Variants in SEZ6L observed in about 807,000 individuals in gnomAD.
The protein encoded by SEZ6L is seizure related 6 homolog like, also known as seizure 6-like protein.
A neutral mutation model predicts 106.2 loss-of-function variants in SEZ6L; 37 were observed. The observed-to-expected ratio is 0.35, with a 90% CI of 0.27 to 0.46. SEZ6L has a LOEUF of 0.46. Among genes scored for constraint, SEZ6L ranks in the 20% least tolerant of loss-of-function variants. SEZ6L has a pLI of 1.00. For synonymous variants in SEZ6L, 541 were observed against 570.4 expected (o/e 0.95, Z 0.73); for missense variants, 1,172 against 1,332.8 (o/e 0.88, Z 1.88).
intron 1 of SEZ6L, among the ~76,000 whole-genome samples, chr22:26,282,000 G>A (rs1416036574): frequency 6.6e-6 from 1 of 152,194 alleles, no homozygotes; most frequent in African/African-American, 2.4e-5. Flanking sequence ...CCTTATTGAT[G>A]TATTCTTGAT....
At chr22:26,361,617 T>C (rs1253712146) in intron 12 of SEZ6L, among the ~76,000 whole-genome samples, 1 of 152,014 alleles carries the variant, frequency 6.6e-6, no homozygotes, top group Non-Finnish European at 1.5e-5. Context: ...CAGTGTATAT[T>C]GGGTGCTCAC....
intron 16 of SEZ6L, among the ~76,000 whole-genome samples, chr22:26,378,916 T>G (rs1247216237): frequency 6.6e-6 from 1 of 152,226 alleles, no homozygotes; most frequent in Non-Finnish European, 1.5e-5. Flanking sequence ...ACAATATTAC[T>G]GCAAACTTAG....
chr22:26,297,153 C>T, intron 4 of SEZ6L, 73 bp downstream of exon 4: 1 of 1,320,834 alleles, frequency 7.6e-7, no homozygotes, highest in Non-Finnish European at 1.0e-6. Flanking sequence ...GATTTTAAAA[C>T]TTTTTGTGCC....
intron 12 of SEZ6L, among the ~76,000 whole-genome samples, chr22:26,360,554 TG>T (rs1218102499): frequency 6.6e-6 from 1 of 152,192 alleles, no homozygotes; most frequent in Non-Finnish European, 1.5e-5. Context: ...GAAAGGTTCA[TG>T]GGGGAATTCT....
intron 1 of SEZ6L, among the ~76,000 whole-genome samples, chr22:26,196,509 T>A (rs1940590726): frequency 1.3e-5 from 2 of 152,126 alleles, no homozygotes; most frequent in African/African-American, 4.8e-5. Context: ...GAAGACAAAG[T>A]CAGGCTCCAG....
At chr22:26,318,199 G>A (rs1189332094) in intron 9 of SEZ6L, among the ~76,000 whole-genome samples, 1 of 151,954 alleles carries the variant, frequency 6.6e-6, no homozygotes, top group Non-Finnish European at 1.5e-5. Context: ...TCAGCCTCAT[G>A]AGTAGTTGGG....
rs376053825 is a variant in SEZ6L at position 26,173,459 on chromosome 22, C to A, written c.94+3696C>A. Among the ~76,000 whole-genome samples, 16 of 152,338 alleles carry A rather than the reference C, an allele frequency of 1.1e-4. No homozygotes were observed. In the East Asian group the frequency reaches 2.7e-3, roughly 26 times the overall value. ...TCCCTTCCAAACTCTCATGCTGTTT[C>A]TTTTTGAACCTAAATATTACCATCA... On this transcript the variant is annotated intron_variant, in intron 1 of 16. Coordinates refer to ENST00000248933, the MANE Select transcript of SEZ6L (RefSeq NM_021115.5).
At chr22:26,286,581 T>C (rs11705062) in intron 1 of SEZ6L, among the ~76,000 whole-genome samples, 7,012 of 152,218 alleles carry the variant, frequency 0.046, 169 homozygotes, top group Middle Eastern at 0.071. Context: ...TTCTTTTCAC[T>C]GAACATTATA....
chr22:26,234,438 C>T (rs957452409), intron 1 of SEZ6L, among the ~76,000 whole-genome samples: 2 of 152,206 alleles, frequency 1.3e-5, no homozygotes, highest in East Asian at 1.9e-4. Flanking sequence ...TAGAGTGGGT[C>T]GGAATTAGCA....
In SEZ6L at chr22:26,195,554, TTA is replaced by T. The variant is rs1940518807; in HGVS notation, c.94+25793_94+25794del. On this transcript the variant is annotated intron_variant, in intron 1 of 16. Coordinates refer to ENST00000248933, the MANE Select transcript of SEZ6L (RefSeq NM_021115.5). ...CACTCAATATATTCTAGATATTCTA[TTA>T]TGTTGTATTTATTCACTTATTTAGC... Among the ~76,000 whole-genome samples the T allele has an allele frequency of 1.3e-5, 2 of 152,204 alleles. 1 individual carries two copies. Among genetic ancestry groups the T allele is most frequent in the South Asian group, 4.1e-4 (2 of 4,832 alleles).
chr22:26,220,532 G>C (rs1465869865), intron 1 of SEZ6L, among the ~76,000 whole-genome samples: 2 of 152,158 alleles, frequency 1.3e-5, no homozygotes, highest in Non-Finnish European at 2.9e-5. Context: ...TGTGTTAGTT[G>C]CCTGTCTGTC....
At chr22:26,199,135 A>C (rs1940767834) in intron 1 of SEZ6L, among the ~76,000 whole-genome samples, 1 of 152,256 alleles carries the variant, frequency 6.6e-6, no homozygotes, top group Admixed American at 6.5e-5. Flanking sequence ...AAGAATGGAA[A>C]AGGATGGTCC....
At chr22:26,233,156 TG>T (rs1303709424) in intron 1 of SEZ6L, among the ~76,000 whole-genome samples, 7 of 152,270 alleles carry the variant, frequency 4.6e-5, no homozygotes, top group Admixed American at 4.6e-4. Flanking sequence ...GTTCCCTTTT[TG>T]GAGATGCAGT....
rs1328343385 is a variant in SEZ6L at position 26,236,912 on chromosome 22, C to A, written c.95-55494C>A. On this transcript the variant is annotated intron_variant, in intron 1 of 16. Coordinates refer to ENST00000248933, the MANE Select transcript of SEZ6L (RefSeq NM_021115.5). ...ATACACAACAGTCCCCCTAACACACCAGCCTTATTCATATCCAGAACCCTC... is the reference window on the plus strand; with the variant it reads ...ATACACAACAGTCCCCCTAACACACAAGCCTTATTCATATCCAGAACCCTC... Among the ~76,000 whole-genome samples the A allele has an allele frequency of 3.3e-5, 5 of 152,208 alleles. No individual in the cohort carries two copies. In the East Asian group the frequency reaches 9.7e-4, roughly 29 times the overall value.
chr22:26,303,601 G>C (rs530499499), intron 5 of SEZ6L, among the ~76,000 whole-genome samples: 1 of 152,338 alleles, frequency 6.6e-6, no homozygotes, highest in African/African-American at 2.4e-5. Flanking sequence ...CCTTGAGGAA[G>C]TGGCGTAATA....
At chr22:26,196,353 T>G (rs1451471574) in intron 1 of SEZ6L, among the ~76,000 whole-genome samples, 1 of 152,204 alleles carries the variant, frequency 6.6e-6, no homozygotes, top group Non-Finnish European at 1.5e-5. Flanking sequence ...AAGCCTCTTT[T>G]CTATATAAAT....
intron 12 of SEZ6L, chr22:26,351,536 T>TGTTGGTTG (rs141602798): frequency 3.7e-5 from 6 of 162,760 alleles, no homozygotes; most frequent in Admixed American, 1.5e-4. Flanking sequence ...TTTGTTTGTT[T>TGTTGGTTG]GTTTGTTTGT....
At position 26,330,444 on chromosome 22, in the gene SEZ6L, G is replaced by C. The variant is rs189101461; in HGVS notation, c.2016-9992G>C. ...TAGTTATTACATAGCTGTAAATGCA[G>C]GGTGGACAGAGGGATCCTGAGGAAT... On this transcript the variant is annotated intron_variant, in intron 9 of 16. Coordinates refer to ENST00000248933, the MANE Select transcript of SEZ6L (RefSeq NM_021115.5). Among the ~76,000 whole-genome samples, 5 of 152,332 alleles carry C rather than the reference G, an allele frequency of 3.3e-5. No individual in the cohort carries two copies. The East Asian group carries it at 7.7e-4, about 23-fold the overall frequency.
At chr22:26,354,884 T>C (rs1268325574) in intron 12 of SEZ6L, among the ~76,000 whole-genome samples, 1 of 152,020 alleles carries the variant, frequency 6.6e-6, no homozygotes, top group Non-Finnish European at 1.5e-5. Flanking sequence ...ACGCGGGGTG[T>C]CAGGAGACAC....
Sources: gnomAD v4.1 joint callset for allele counts (sites outside exome capture counted in the v4.1 genomes callset) on GRCh38, gnomAD v4.1.1 for gene constraint, MANE v1.5 for transcripts, NCBI Gene and HGNC (gene_info 2026-07-23, HGNC 2026-07-21) for gene names.